Variants in TTC5 observed in about 807,000 individuals in gnomAD.
The protein encoded by TTC5 is tetratricopeptide repeat protein 5.
A neutral mutation model predicts 57.4 loss-of-function variants in TTC5; 46 were observed. The ratio of observed to expected loss-of-function variants is 0.80; its 90% CI spans 0.63 to 1.03. TTC5 has a LOEUF of 1.03. Among genes scored for constraint, TTC5 ranks in the 50% least tolerant of loss-of-function variants. TTC5 has a pLI of 0.00. For missense variants in TTC5, 504 were observed against 528.1 expected, an observed-to-expected ratio of 0.95 and a Z score of 0.45; for synonymous variants, 190 against 203.5, an observed-to-expected ratio of 0.93 and a Z score of 0.57.
chr14:20,300,164 T>C (rs867974776), intron 3 of TTC5, among the ~76,000 whole-genome samples: 2 of 71,692 alleles, frequency 2.8e-5, no homozygotes, highest in East Asian at 8.8e-4. Context: ...TATTTTTTTT[T>C]TTTTTTTTTT....
chr14:20,301,972 A>G lies in TTC5; in HGVS notation c.52-7T>C, dbSNP rs776186161. ...AGAGCTGATCCACGAGTTCCTAAAA[A>G]GTATGACAATGGAACCATTAAGTGG... is the stretch of plus-strand genomic sequence containing the variant. On this transcript the variant is annotated splice_polypyrimidine_tract_variant and splice_region_variant and intron_variant, in intron 1 of 9. Transcript: ENST00000258821. The G allele has an allele frequency of 3.1e-6, 5 of 1,613,774 alleles. No homozygotes were observed. In the African/African-American group the frequency reaches 6.7e-5, roughly 22 times the overall value.
Position 20,300,708 on chromosome 14 carries a change from C to G in TTC5, c.295G>C (p.Glu99Gln). ...TTCCAGGCTTCCACCAGCTCGGGCTCCAGCTTCACAGCCTTTGACAGAAGC... is the reference window on the plus strand; with the variant it reads ...TTCCAGGCTTCCACCAGCTCGGGCTGCAGCTTCACAGCCTTTGACAGAAGC... Reference protein sequence around the residue: ...EELLSKAVKLEPELVEAWNQL... With the variant: ...EELLSKAVKLQPELVEAWNQL... The change falls in exon 3 of 10, where the codon GAG becomes CAG. Residue 99 changes from glutamate to glutamine, a missense_variant. Physicochemically the swap from Glu to Gln is conservative, Grantham distance 29. Coordinates refer to ENST00000258821, the MANE Select transcript of TTC5 (RefSeq NM_138376.3). 6.2e-7 allele frequency: 1 copy of G among 1,614,174 alleles called. No individual in the cohort carries two copies. Among genetic ancestry groups the G allele is most frequent in the Non-Finnish European group, 8.5e-7 (1 of 1,180,036 alleles).
chr14:20,291,604 T>C (rs990280392), intron 9 of TTC5, among the ~76,000 whole-genome samples: 5 of 152,298 alleles, frequency 3.3e-5, no homozygotes, highest in Non-Finnish European at 2.9e-5. Flanking sequence ...TGGTGAAATA[T>C]GTAAAAACAT....
At chr14:20,295,924 C>T in intron 6 of TTC5, 70 bp from the exon 7 acceptor site, 1 of 1,403,784 alleles carries the variant, frequency 7.1e-7, no homozygotes, top group Non-Finnish European at 9.6e-7. Flanking sequence ...GCACCATGGG[C>T]TAGGAATCTA....
intron 5 of TTC5, among the ~76,000 whole-genome samples, chr14:20,297,973 G>C (rs1882100865): frequency 6.6e-6 from 1 of 152,070 alleles, no homozygotes; most frequent in South Asian, 2.1e-4. Flanking sequence ...GTGGCAGGAG[G>C]GGGAGAAAAA....
intron 1 of TTC5, among the ~76,000 whole-genome samples, chr14:20,302,988 T>A (rs149528296): frequency 6.6e-6 from 1 of 151,836 alleles, no homozygotes; most frequent in Non-Finnish European, 1.5e-5. Context: ...CATGAAGAGA[T>A]CGAAACCATC....
chr14:20,305,326 TC>T (rs1006253900), intron 1 of TTC5: 1 of 152,168 alleles, frequency 6.6e-6, no homozygotes, highest in African/African-American at 2.4e-5. Context: ...AGTTAACGCC[TC>T]CCTACCAAGT....
chr14:20,300,155 AT>A (rs765208751), intron 3 of TTC5, among the ~76,000 whole-genome samples: 24 of 89,328 alleles, frequency 2.7e-4, no homozygotes, highest in East Asian at 2.5e-3. Flanking sequence ...ATATATATAT[AT>A]TTTTTTTTTT....
rs546851802 is a variant in TTC5, at chr14:20,299,892, G to A, written c.397-444C>T. Reference sequence around the variant, plus strand: ...TGACAGGGTCTCACTCTGATGGAGTGCAGAGGCACGATCTCAGCTCACAGC... The same window carrying A: ...TGACAGGGTCTCACTCTGATGGAGTACAGAGGCACGATCTCAGCTCACAGC... On this transcript the variant is annotated intron_variant, in intron 3 of 9. Transcript: ENST00000258821. Among the ~76,000 whole-genome samples, 8 of 151,906 alleles carry A rather than the reference G, an allele frequency of 5.3e-5. No homozygotes were observed. In the South Asian group the frequency reaches 1.5e-3, roughly 28 times the overall value.
intron 1 of TTC5, among the ~76,000 whole-genome samples, chr14:20,305,000 C>T (rs1290474054): frequency 1.3e-5 from 2 of 152,116 alleles, no homozygotes; most frequent in African/African-American, 4.8e-5. Flanking sequence ...TGTGCATATA[C>T]AAACATATAT....
At chr14:20,303,699 T>C (rs927283408) in intron 1 of TTC5, among the ~76,000 whole-genome samples, 2 of 152,156 alleles carry the variant, frequency 1.3e-5, no homozygotes, top group Non-Finnish European at 2.9e-5. Flanking sequence ...AACCTTCAAA[T>C]AGTTTCCCAT....
intron 5 of TTC5, among the ~76,000 whole-genome samples, chr14:20,298,205 A>G (rs1882105587): frequency 6.6e-6 from 1 of 152,208 alleles, no homozygotes; most frequent in Non-Finnish European, 1.5e-5. Context: ...AAAGGCACTC[A>G]AAGTCTGAGG....
At chr14:20,301,093 AAT>A (rs1882180890) in intron 2 of TTC5, among the ~76,000 whole-genome samples, 1 of 152,220 alleles carries the variant, frequency 6.6e-6, no homozygotes, top group African/African-American at 2.4e-5. Context: ...AGGGGTTTAC[AAT>A]CTAGTGGAGA....
In TTC5 at chr14:20,289,131, T is replaced by TTG. The variant is rs1555310821; in HGVS notation, c.*495_*496insCA. 1 of 9,790 alleles carries TTG rather than the reference T, an allele frequency of 1.0e-4. No homozygotes were observed. Among genetic ancestry groups the TTG allele is most frequent in the Non-Finnish European group, 3.6e-4 (1 of 2,808 alleles). 0.6% of individuals were successfully genotyped at this position (9,790 alleles called of 1,614,324 possible). A position where few individuals can be genotyped will look rare whatever the true frequency, so the allele number is the denominator to read the frequency against. ...ATAAAGCAGGCCAAACTACGTGGTG[T>TTG]TTTTTTTTTTTTCCAAACAAATTTA... On this transcript the variant is annotated 3_prime_UTR_variant, in exon 10 of 10. Transcript: ENST00000258821.
chr14:20,301,212 T>C (rs1882183661), intron 2 of TTC5, among the ~76,000 whole-genome samples: 1 of 152,288 alleles, frequency 6.6e-6, no homozygotes, highest in Middle Eastern at 3.4e-3. Context: ...GGACAAATAG[T>C]TATCGTTAAA....
At chr14:20,290,900 A>G (rs985037100) in intron 9 of TTC5, among the ~76,000 whole-genome samples, 13 of 152,216 alleles carry the variant, frequency 8.5e-5, no homozygotes, top group African/African-American at 2.9e-4. Context: ...TAGTGCAAAA[A>G]CAGCCACAGA....
rs779016833 is a variant in TTC5, at chr14:20,300,648, C to T, written c.355G>A (p.Val119Ile). The T allele has an allele frequency of 3.1e-6, 5 of 1,613,882 alleles. No homozygotes were observed. The highest frequency in any genetic ancestry group is 4.2e-6 in the Non-Finnish European group (5 of 1,179,996). Residue 119 changes from valine (V) to isoleucine (I), a missense_variant, in exon 3 of 10, where the codon GTT becomes ATT. Physicochemically the swap from Val to Ile is conservative, Grantham distance 29. Coordinates refer to ENST00000258821, the MANE Select transcript of TTC5 (RefSeq NM_138376.3). ...GAGAAGCAGGTGTGGGCAGCTGCAA[C>T]ATCCCCTTTTTTCCAGTACACCTCA... Reference protein sequence around the residue: ...LGEVYWKKGDVAAAHTCFSGA... With the variant: ...LGEVYWKKGDIAAAHTCFSGA...
rs902657073 is a variant in TTC5, at chr14:20,289,104, G to C, written c.*523C>G. On this transcript the variant is annotated 3_prime_UTR_variant, in exon 10 of 10. Coordinates refer to ENST00000258821, the MANE Select transcript of TTC5 (RefSeq NM_138376.3). Reference sequence around the variant, plus strand: ...AAAACAAAGAATACAGGCCTAGGGAGAATAAAGCAGGCCAAACTACGTGGT... The same window carrying C: ...AAAACAAAGAATACAGGCCTAGGGACAATAAAGCAGGCCAAACTACGTGGT... 2.7e-5 allele frequency: 4 copies of C among 145,558 alleles called. No individual in the cohort carries two copies. Among genetic ancestry groups the C allele is most frequent in the African/African-American group, 1.0e-4 (4 of 39,888 alleles). The allele number at this position is 145,558 out of a possible 1,614,324, so 9.0% of individuals were successfully genotyped here.
intron 6 of TTC5, among the ~76,000 whole-genome samples, chr14:20,296,164 C>T (rs572472244): frequency 1.6e-3 from 244 of 152,310 alleles, no homozygotes; most frequent in Middle Eastern, 6.8e-3. Context: ...AAGATCCCCC[C>T]ATTCTCTACC....
Sources: allele counts gnomAD v4.1 joint callset (sites outside exome capture counted in the v4.1 genomes callset), GRCh38; gene constraint gnomAD v4.1.1; transcripts MANE v1.5; gene names NCBI Gene and HGNC (gene_info 2026-07-23, HGNC 2026-07-21).